Variants in LARP4B observed in about 807,000 individuals in gnomAD.
LARP4B encodes La ribonucleoprotein 4B.
Under a neutral mutation model 89.8 loss-of-function variants are expected in LARP4B, and 12 were observed. The observed-to-expected ratio is 0.13, with a 90% confidence interval of 0.09 to 0.22. The LOEUF (loss-of-function observed/expected upper bound fraction) is 0.22. LARP4B is among the 10% of genes least tolerant of loss of function. The pLI, the probability that LARP4B is intolerant of heterozygous loss-of-function variation, is 1.00. For missense variants in LARP4B, 757 were observed against 947.7 expected (o/e 0.80, Z 2.64); for synonymous variants, 367 against 363.3 (o/e 1.01, Z -0.12).
At chr10:890,567 G>C (rs1835985126) in intron 1 of LARP4B, among the ~76,000 whole-genome samples, 1 of 152,144 alleles carries the variant, frequency 6.6e-6, no homozygotes, top group Non-Finnish European at 1.5e-5. Context: ...CTTGAAAACA[G>C]AATGTGAGTA....
the LARP4B span, among the ~76,000 whole-genome samples, chr10:963,438 C>T: frequency 1.3e-5 from 2 of 152,166 alleles, no homozygotes; most frequent in South Asian, 2.1e-4. Context: ...CTGCCTCCAA[C>T]GTGCAGAATC....
chr10:913,400 T>C (rs1276244906), intron 1 of LARP4B, among the ~76,000 whole-genome samples: 2 of 152,210 alleles, frequency 1.3e-5, no homozygotes, highest in African/African-American at 4.8e-5. Context: ...AAAACACAAG[T>C]GCTTAAATCA....
intron 1 of LARP4B, among the ~76,000 whole-genome samples, chr10:930,568 A>C (rs1379458386): frequency 6.6e-6 from 1 of 152,194 alleles, no homozygotes; most frequent in Non-Finnish European, 1.5e-5. Flanking sequence ...GTTTCGACGC[A>C]CAACGGCACT....
intron 1 of LARP4B, among the ~76,000 whole-genome samples, chr10:888,894 T>C (rs1484591082): frequency 2.0e-5 from 3 of 152,118 alleles, no homozygotes; most frequent in Non-Finnish European, 4.4e-5. Context: ...GAGACCAGCA[T>C]GGACAACATG....
rs1382553271 is a variant in LARP4B, at chr10:811,350, GC to G, written c.*1575del. ...GATTATTTACAACTGTACAAGCGAAGCACACTCCAAGTGCACGTATTTAATA... is the reference window on the plus strand; with the variant it reads ...GATTATTTACAACTGTACAAGCGAAGACACTCCAAGTGCACGTATTTAATA... On this transcript the variant is annotated 3_prime_UTR_variant, in exon 18 of 18. Transcript: ENST00000316157. 1 of 152,594 alleles carries G rather than the reference GC, an allele frequency of 6.6e-6. No homozygotes were observed. 9.5% of individuals were successfully genotyped at this position (152,594 alleles called of 1,614,324 possible). A position where few individuals can be genotyped will look rare whatever the true frequency, so the allele number is the denominator to read the frequency against.
the LARP4B span, chr10:972,610 A>G: frequency 2.2e-6 from 1 of 457,372 alleles, no homozygotes; most frequent in Admixed American, 2.3e-5. Flanking sequence ...GGGTGTTTAG[A>G]GACTTCCAAG....
chr10:847,556 T>G (rs1833836382), intron 5 of LARP4B, among the ~76,000 whole-genome samples: 1 of 151,740 alleles, frequency 6.6e-6, no homozygotes, highest in Non-Finnish European at 1.5e-5. Flanking sequence ...CCTTGCTCTG[T>G]CACCCAGACT....
upstream of LARP4B, among the ~76,000 whole-genome samples, chr10:934,476 C>T (rs34433840): frequency 0.16 from 24,369 of 151,818 alleles, 2,399 homozygotes; most frequent in Non-Finnish European, 0.23. Flanking sequence ...GGTGACAGAG[C>T]GAGACCCTGT....
At chr10:897,794 C>A (rs1481710783) in intron 1 of LARP4B, among the ~76,000 whole-genome samples, 1 of 151,886 alleles carries the variant, frequency 6.6e-6, no homozygotes, top group African/African-American at 2.4e-5. Flanking sequence ...TCGAGACCAG[C>A]CTGGCCAACA....
At chr10:929,615 A>G (rs1837245045) in intron 1 of LARP4B, among the ~76,000 whole-genome samples, 1 of 152,052 alleles carries the variant, frequency 6.6e-6, no homozygotes, top group South Asian at 2.1e-4. Flanking sequence ...GAAGAAAAAA[A>G]TCAGTAATAG....
At chr10:962,316 AAAAAGAAT>A in the LARP4B span, among the ~76,000 whole-genome samples, 1 of 151,482 alleles carries the variant, frequency 6.6e-6, no homozygotes, top group African/African-American at 2.4e-5. Context: ...AAAAAAAAAA[AAAAAGAAT>A]ACCAATCCTT....
chr10:925,206 G>A (rs941977344), intron 1 of LARP4B, among the ~76,000 whole-genome samples: 1 of 152,120 alleles, frequency 6.6e-6, no homozygotes, highest in African/African-American at 2.4e-5. Flanking sequence ...ATAGAACAAT[G>A]CACTTTCCTA....
intron 5 of LARP4B, among the ~76,000 whole-genome samples, chr10:861,322 C>T (rs11253475): frequency 5.9e-5 from 9 of 151,972 alleles, no homozygotes; most frequent in African/African-American, 2.2e-4. Flanking sequence ...AGAGGCAACA[C>T]ATTAATAATG....
At chr10:939,598 G>A in the LARP4B span, among the ~76,000 whole-genome samples, 5 of 151,914 alleles carry the variant, frequency 3.3e-5, no homozygotes, top group African/African-American at 7.3e-5. Context: ...CACAGCACCC[G>A]TCTACACATA....
At chr10:863,132 C>T (rs1454038333) in intron 5 of LARP4B, among the ~76,000 whole-genome samples, 1 of 152,196 alleles carries the variant, frequency 6.6e-6, no homozygotes, top group Non-Finnish European at 1.5e-5. Flanking sequence ...CTCTCTATCC[C>T]CCTCCCTTTA....
chr10:948,646 A>T, the LARP4B span, among the ~76,000 whole-genome samples: 1 of 152,158 alleles, frequency 6.6e-6, no homozygotes, highest in Non-Finnish European at 1.5e-5. Context: ...GCTCCCTTTA[A>T]AGCCACAGAA....
At position 825,820 on chromosome 10, in the gene LARP4B, C is replaced by T. The variant is rs778285547; in HGVS notation, c.1176G>A (p.Ala392=). The change falls in exon 12 of 18, where the codon GCG becomes GCA. Residue 392 remains alanine (A), a synonymous_variant. Coordinates refer to ENST00000316157, the MANE Select transcript of LARP4B (RefSeq NM_015155.3). ...TGFINGFTSP[A]FKPAASPLTS... ...TCAGAGGAGACGCCGCAGGCTTGAA[C>T]GCTGGAGACGTAAACCCATTTATAA... The T allele has an allele frequency of 1.3e-5, 21 of 1,613,780 alleles. No homozygotes were observed. Among genetic ancestry groups the T allele is most frequent in the South Asian group, 1.2e-4 (11 of 90,934 alleles).
At chr10:945,113 G>A in the LARP4B span, among the ~76,000 whole-genome samples, 1 of 152,116 alleles carries the variant, frequency 6.6e-6, no homozygotes, top group African/African-American at 2.4e-5. Context: ...GCTGGGCATG[G>A]TGGCTCACCC....
At chr10:956,839 G>T in the LARP4B span, among the ~76,000 whole-genome samples, 1 of 152,124 alleles carries the variant, frequency 6.6e-6, no homozygotes, top group Admixed American at 6.5e-5. This position sits in a 1 kb window ranked among gnomAD's most constrained non-coding sequence, Gnocchi z 4.3. Context: ...AGCTAGGCCT[G>T]GGGGGTCAGG....
Sources: allele counts gnomAD v4.1 joint callset (sites outside exome capture counted in the v4.1 genomes callset), GRCh38; gene constraint gnomAD v4.1.1; non-coding constraint Gnocchi (gnomAD v3.1); transcripts MANE v1.5; gene names NCBI Gene and HGNC (gene_info 2026-07-23, HGNC 2026-07-21).